GSTA5: variants seen among roughly 807,000 people sequenced by gnomAD.
GSTA5 encodes glutathione S-transferase alpha 5, also known as glutathione S-transferase A5.
A neutral mutation model predicts 21.8 loss-of-function variants in GSTA5; 25 were observed. That is an observed-to-expected ratio of 1.14 (90% CI 0.83 to 1.60). The LOEUF (loss-of-function observed/expected upper bound fraction) is 1.60, where lower values mean the gene tolerates loss of function less well. GSTA5 is among the 40% of genes most tolerant of loss of function. The pLI, the probability that GSTA5 is intolerant of heterozygous loss-of-function variation, is 0.00. For synonymous variants in GSTA5, 102 were observed against 89.5 expected (o/e 1.14, Z -0.78); for missense variants, 330 against 259.2 (o/e 1.27, Z -1.88).
the GSTA5 span, among the ~76,000 whole-genome samples, chr6:52,845,858 C>T: frequency 2.0e-5 from 3 of 152,146 alleles, no homozygotes; most frequent in Non-Finnish European, 2.9e-5. Context: ...CTAAATTCTT[C>T]ATTTTTACAT....
chr6:52,836,399 A>C lies in GSTA5; in HGVS notation c.140-31T>G, dbSNP rs773342158. ...AAAGAAGAAAAAAAAAGGAGTATGA[A>C]GTGTCTATGAAACCCACCCTTTTGG... is the stretch of plus-strand genomic sequence containing the variant. On this transcript the variant is annotated intron_variant, in intron 2 of 5. Coordinates refer to ENST00000370989, the Ensembl canonical transcript of GSTA5. 9 of 1,609,320 alleles carry C rather than the reference A, an allele frequency of 5.6e-6. No homozygotes were observed. In the South Asian group the frequency reaches 8.8e-5, roughly 16 times the overall value.
At chr6:52,838,372 A>G (rs938246662) in intron 1 of GSTA5, among the ~76,000 whole-genome samples, 3 of 152,256 alleles carry the variant, frequency 2.0e-5, no homozygotes, top group Admixed American at 6.5e-5. Flanking sequence ...CACCTATGGT[A>G]TAGGCTGATA....
exon 3 of GSTA5, chr6:52,836,242 C>T: frequency 6.2e-7 from 1 of 1,613,244 alleles, no homozygotes; most frequent in African/African-American, 1.3e-5. Flanking sequence ...ATACAGGGCT[C>T]TCTCCTTCAT....
chr6:52,839,199 G>C (rs1764337241), intron 1 of GSTA5, among the ~76,000 whole-genome samples: 1 of 152,188 alleles, frequency 6.6e-6, no homozygotes. Flanking sequence ...ACTGGGTTGT[G>C]ATCATCAGCC....
At chr6:52,838,597 C>G (rs1376437295) in intron 1 of GSTA5, among the ~76,000 whole-genome samples, 4 of 152,196 alleles carry the variant, frequency 2.6e-5, no homozygotes, top group African/African-American at 9.7e-5. Context: ...CTCAATCTGA[C>G]CAGAAGCTAT....
chr6:52,834,810 A>T (rs962862539), intron 3 of GSTA5, among the ~76,000 whole-genome samples: 2 of 152,154 alleles, frequency 1.3e-5, no homozygotes, highest in African/African-American at 4.8e-5. Context: ...CAGTTCTTCC[A>T]ATTACACCCA....
At chr6:52,841,134 T>C (rs1348345130), upstream of GSTA5, among the ~76,000 whole-genome samples, 1 of 152,218 alleles carries the variant, frequency 6.6e-6, no homozygotes, top group Admixed American at 6.5e-5. Flanking sequence ...CAAGAACTAA[T>C]ATTTATTGAA....
intron 2 of GSTA5, among the ~76,000 whole-genome samples, chr6:52,836,582 G>A (rs1764297757): frequency 6.6e-6 from 1 of 152,220 alleles, no homozygotes; most frequent in Admixed American, 6.5e-5. Flanking sequence ...GACGATCTCA[G>A]CTCACTGTAA....
upstream of GSTA5, among the ~76,000 whole-genome samples, chr6:52,844,060 A>G (rs534003054): frequency 6.6e-6 from 1 of 152,254 alleles, no homozygotes; most frequent in East Asian, 1.9e-4. Context: ...ATTCATGGTC[A>G]ATATCTAGGG....
chr6:52,837,686 G>A (rs1764313042), intron 1 of GSTA5, 77 bp from the exon 2 acceptor site: 1 of 989,704 alleles, frequency 1.0e-6, no homozygotes. Context: ...GCCCCTATCT[G>A]GTGCATGATT....
chr6:52,837,682 A>G lies in GSTA5; in HGVS notation c.88-73T>C, dbSNP rs1764312962. The stretch of plus-strand genomic sequence containing the variant: ...AGACTTGTGATGTTGAATGGCCCCT[A>G]TCTGGTGCATGATTTGGAGAATATA... On this transcript the variant is annotated intron_variant, in intron 1 of 5. Coordinates refer to ENST00000370989, the Ensembl canonical transcript of GSTA5. 7 of 1,010,748 alleles carry G rather than the reference A, an allele frequency of 6.9e-6. No individual in the cohort carries two copies. In the Admixed American group the frequency reaches 1.1e-4, roughly 16 times the overall value. 62.6% of individuals were successfully genotyped at this position (1,010,748 alleles called of 1,614,324 possible). A position where few individuals can be genotyped will look rare whatever the true frequency, so the allele number is the denominator to read the frequency against.
At chr6:52,834,308 T>C in intron 3 of GSTA5, 26 bp from the exon 4 acceptor site, 2 of 1,592,296 alleles carry the variant, frequency 1.3e-6, no homozygotes, top group East Asian at 2.2e-5. Flanking sequence ...AACCAAACCA[T>C]CAAATGCCTT....
rs1384226648 is a variant in GSTA5, at chr6:52,832,842, G to C, written c.546+17C>G. On this transcript the variant is annotated intron_variant, in intron 5 of 5. Transcript: ENST00000370989. ...AAGAGATGTGGGGCTGTCTCTCTGG[G>C]CTGTGAAATGGGTCACCTTCAGCAG... 3 of 1,613,534 alleles carry C rather than the reference G, an allele frequency of 1.9e-6. No individual in the cohort carries two copies. Among genetic ancestry groups the C allele is most frequent in the African/African-American group, 2.7e-5 (2 of 74,876 alleles).
rs1380037148 is a variant in GSTA5, at chr6:52,832,847, G to A, written c.546+12C>T. On this transcript the variant is annotated intron_variant, in intron 5 of 5. Coordinates refer to ENST00000370989, the Ensembl canonical transcript of GSTA5. ...ATGTGGGGCTGTCTCTCTGGGCTGT[G>A]AAATGGGTCACCTTCAGCAGAGGGA... 4.3e-6 allele frequency: 7 copies of A among 1,613,676 alleles called. No individual in the cohort carries two copies. Among genetic ancestry groups the A allele is most frequent in the South Asian group, 1.1e-5 (1 of 91,066 alleles).
upstream of GSTA5, among the ~76,000 whole-genome samples, chr6:52,841,498 G>C (rs1279187863): frequency 6.6e-6 from 1 of 152,238 alleles, no homozygotes; most frequent in Admixed American, 6.5e-5. Flanking sequence ...TTAGGCTTCA[G>C]ACTTGTTTTA....
intron 1 of GSTA5, among the ~76,000 whole-genome samples, chr6:52,839,522 G>A (rs1302884158): frequency 6.6e-6 from 1 of 152,214 alleles, no homozygotes; most frequent in Non-Finnish European, 1.5e-5. Flanking sequence ...CCTTCGTGAA[G>A]CAACGCACAA....
chr6:52,840,828 G>T lies in GSTA5; in HGVS notation c.-15C>A, dbSNP rs372701111. 2 of 1,609,084 alleles carry T rather than the reference G, an allele frequency of 1.2e-6. No homozygotes were observed. The highest frequency in any genetic ancestry group is 2.7e-5 in the African/African-American group (2 of 74,818). ...TTCTCTGCCATGATAGCAGTCTCCT[G>T]GAGGTTTCTCTAAGCCTGAATGAAT... On this transcript the variant is annotated 5_prime_UTR_variant, in exon 1 of 6. Transcript: ENST00000370989.
chr6:52,841,630 T>A (rs925935822), upstream of GSTA5, among the ~76,000 whole-genome samples: 1 of 152,268 alleles, frequency 6.6e-6, no homozygotes, highest in African/African-American at 2.4e-5. Context: ...GAGATGTTGC[T>A]GCATTAACTT....
intron 3 of GSTA5, among the ~76,000 whole-genome samples, chr6:52,835,844 G>A (rs894645697): frequency 2.0e-5 from 3 of 152,170 alleles, no homozygotes; most frequent in Non-Finnish European, 4.4e-5. Flanking sequence ...CTTGTTTACA[G>A]CCTTCCCTCC....
Sources: gnomAD v4.1 joint callset for allele counts (sites outside exome capture counted in the v4.1 genomes callset) on GRCh38, gnomAD v4.1.1 for gene constraint, MANE v1.5 for transcripts, NCBI Gene and HGNC (gene_info 2026-07-23, HGNC 2026-07-21) for gene names.